OSBPL9: variants seen among roughly 807,000 people sequenced by gnomAD.
OSBPL9 encodes oxysterol binding protein like 9.
OSBPL9 carries 40 observed loss-of-function variants against 106.6 expected under a neutral mutation model. That is an observed-to-expected ratio of 0.38 (90% CI 0.29 to 0.49). The LOEUF is 0.49. Among genes scored for constraint, OSBPL9 ranks in the 20% least tolerant of loss-of-function variants. OSBPL9 has a pLI of 0.97. For synonymous variants in OSBPL9, 269 were observed against 295.4 expected (o/e 0.91, Z 0.92); for missense variants, 609 against 887.2 (o/e 0.69, Z 3.98).
chr1:51,578,508 T>A (rs1346845702), intron 1 of OSBPL9, among the ~76,000 whole-genome samples: 1 of 152,208 alleles, frequency 6.6e-6, no homozygotes, highest in African/African-American at 2.4e-5. Context: ...CAAGCCAGAA[T>A]GACCCTTTAG....
the OSBPL9 span, among the ~76,000 whole-genome samples, chr1:51,532,245 T>C: frequency 6.6e-6 from 1 of 152,158 alleles, no homozygotes; most frequent in Non-Finnish European, 1.5e-5. Context: ...GAATACCTAG[T>C]AAGGGATACA....
At chr1:51,705,203 G>C (rs1327103942) in intron 3 of OSBPL9, among the ~76,000 whole-genome samples, 3 of 150,588 alleles carry the variant, frequency 2.0e-5, no homozygotes, top group Non-Finnish European at 4.4e-5. Flanking sequence ...TTAAGAGATG[G>C]GGTCTCACTG....
intron 12 of OSBPL9, among the ~76,000 whole-genome samples, chr1:51,768,049 T>C (rs1303296430): frequency 1.0e-4 from 15 of 149,976 alleles, no homozygotes; most frequent in African/African-American, 3.4e-4. Context: ...TCACGCCATT[T>C]TCCTGCCTCA....
At chr1:51,684,288 T>A (rs1185522584) in intron 3 of OSBPL9, among the ~76,000 whole-genome samples, 1 of 151,640 alleles carries the variant, frequency 6.6e-6, no homozygotes, top group Non-Finnish European at 1.5e-5. Flanking sequence ...GGAATACAGG[T>A]CCGAGCCATG....
intron 2 of OSBPL9, among the ~76,000 whole-genome samples, chr1:51,653,703 GA>G (rs1345384292): frequency 6.6e-6 from 1 of 152,122 alleles, no homozygotes; most frequent in Non-Finnish European, 1.5e-5. Flanking sequence ...TTTGTCTGTT[GA>G]AGAATCTGGA....
chr1:51,761,745 C>T lies in OSBPL9; in HGVS notation c.674-122C>T, dbSNP rs945765374. ...AAGGAAGGAGTAGCATGGAACTAGA[C>T]TTAATGAAATAAAGTTTCAAAAATT... On this transcript the variant is annotated intron_variant, in intron 10 of 23. Transcript: ENST00000428468. 3 of 724,436 alleles carry T rather than the reference C, an allele frequency of 4.1e-6. No homozygotes were observed. The South Asian group carries it at 4.7e-5, about 11-fold the overall frequency. 44.9% of individuals were successfully genotyped at this position (724,436 alleles called of 1,614,324 possible).
intron 2 of OSBPL9, among the ~76,000 whole-genome samples, chr1:51,659,627 C>T (rs185874809): frequency 6.6e-6 from 1 of 151,388 alleles, no homozygotes; most frequent in Non-Finnish European, 1.5e-5. Context: ...ATAAAATAAA[C>T]CCTGGTTAGA....
chr1:51,527,443 G>A, the OSBPL9 span, among the ~76,000 whole-genome samples: 1 of 152,054 alleles, frequency 6.6e-6, no homozygotes, highest in Non-Finnish European at 1.5e-5. Context: ...TGCCCAGGAT[G>A]GAGTGCAGTG....
chr1:51,761,739 A>G lies in OSBPL9; in HGVS notation c.674-128A>G, dbSNP rs568182757. ...AGTCAAAAGGAAGGAGTAGCATGGA[A>G]CTAGACTTAATGAAATAAAGTTTCA... On this transcript the variant is annotated intron_variant, in intron 10 of 23. Coordinates refer to ENST00000428468, the MANE Select transcript of OSBPL9 (RefSeq NM_024586.6). The G allele has an allele frequency of 8.7e-6, 6 of 691,456 alleles. No homozygotes were observed. The East Asian group carries it at 1.3e-4, about 15-fold the overall frequency. 42.8% of individuals were successfully genotyped at this position (691,456 alleles called of 1,614,324 possible). A position where few individuals can be genotyped will look rare whatever the true frequency, so the allele number is the denominator to read the frequency against.
At chr1:51,530,176 A>AAAAAAAAAAAAAAAAAAAC in the OSBPL9 span, among the ~76,000 whole-genome samples, 6 of 107,686 alleles carry the variant, frequency 5.6e-5, no homozygotes, top group Non-Finnish European at 1.1e-4. Flanking sequence ...GTCTCAAAAA[A>AAAAAAAAAAAAAAAAAAAC]AAAAAAAAAA....
intron 1 of OSBPL9, among the ~76,000 whole-genome samples, chr1:51,629,656 T>A (rs1314136419): frequency 1.3e-5 from 2 of 152,114 alleles, no homozygotes; most frequent in East Asian, 3.9e-4. Flanking sequence ...GGCATACAAA[T>A]TCACTAATGT....
rs548561113 is a variant in OSBPL9 at position 51,600,827 on chromosome 1, T to C, written c.-353+2634T>C. Among the ~76,000 whole-genome samples, 12 of 152,344 alleles carry C rather than the reference T, an allele frequency of 7.9e-5. 1 individual carries two copies. The South Asian group carries it at 2.5e-3, about 32-fold the overall frequency. ...GAATAAGAACTCAATAAGATGAATG[T>C]GAAATTACTAACATAGTGTCAGGGT... On this transcript the variant is annotated intron_variant, in intron 2 of 25. Transcript: ENST00000371714.
chr1:51,699,481 C>T (rs550299448), intron 3 of OSBPL9, among the ~76,000 whole-genome samples: 19 of 152,220 alleles, frequency 1.2e-4, no homozygotes, highest in South Asian at 2.1e-4. Flanking sequence ...TCCCTGAGTT[C>T]GCCTTTACAA....
rs1337662880 is a variant in OSBPL9 at position 51,765,998 on chromosome 1, A to G, written c.938+17A>G. 1 of 1,576,924 alleles carries G rather than the reference A, an allele frequency of 6.3e-7. No homozygotes were observed. Among genetic ancestry groups the G allele is most frequent in the East Asian group, 2.3e-5 (1 of 43,776 alleles). ...CTTAATAGAGTGAGTAGATGAACAG[A>G]ATATGTATTTAAATGATTCTCCTGA... On this transcript the variant is annotated intron_variant, in intron 12 of 23. Coordinates refer to ENST00000428468, the MANE Select transcript of OSBPL9 (RefSeq NM_024586.6).
At chr1:51,685,922 A>G (rs1167538252) in intron 3 of OSBPL9, among the ~76,000 whole-genome samples, 3 of 152,248 alleles carry the variant, frequency 2.0e-5, no homozygotes, top group Admixed American at 2.0e-4. Context: ...AATCGAGTTC[A>G]AATAAATATA....
intron 1 of OSBPL9, among the ~76,000 whole-genome samples, chr1:51,641,225 C>T (rs1193065449): frequency 6.6e-6 from 1 of 152,202 alleles, no homozygotes; most frequent in East Asian, 1.9e-4. Context: ...GAGCTATTCT[C>T]TTGAGAATGC....
the OSBPL9 span, among the ~76,000 whole-genome samples, chr1:51,528,527 G>C: frequency 6.6e-6 from 1 of 151,944 alleles, no homozygotes; most frequent in Non-Finnish European, 1.5e-5. Flanking sequence ...CTGGGTGACA[G>C]AGTGAGACTC....
chr1:51,649,345 A>T (rs1646364510), intron 1 of OSBPL9, among the ~76,000 whole-genome samples: 1 of 152,096 alleles, frequency 6.6e-6, no homozygotes, highest in South Asian at 2.1e-4. Flanking sequence ...GGCCTCACTC[A>T]AGTGATCTGC....
intron 2 of OSBPL9, among the ~76,000 whole-genome samples, chr1:51,662,547 A>G (rs1647283812): frequency 6.6e-6 from 1 of 152,104 alleles, no homozygotes; most frequent in African/African-American, 2.4e-5. Flanking sequence ...TGTTGTTGGG[A>G]GTCCTAGCCA....
Sources: gnomAD v4.1 joint callset for allele counts (sites outside exome capture counted in the v4.1 genomes callset) on GRCh38, gnomAD v4.1.1 for gene constraint, MANE v1.5 for transcripts, NCBI Gene and HGNC (gene_info 2026-07-23, HGNC 2026-07-21) for gene names.